Variants in KALRN observed in about 807,000 individuals in gnomAD.
KALRN encodes the protein kalirin RhoGEF kinase.
A neutral mutation model predicts 353.7 loss-of-function variants in KALRN; 70 were observed. The observed-to-expected ratio is 0.20, with a 90% CI of 0.16 to 0.24. The LOEUF is 0.24. Among genes scored for constraint, KALRN ranks in the 10% least tolerant of loss-of-function variants. The probability of loss-of-function intolerance (pLI) is 1.00; values close to 1 mark genes in which losing one functional copy is unlikely to be tolerated. For missense variants in KALRN, 2,791 were observed against 3,756.7 expected, an observed-to-expected ratio of 0.74 and a Z score of 6.72; for synonymous variants, 1,391 against 1,434.8, an observed-to-expected ratio of 0.97 and a Z score of 0.69.
At chr3:124,643,491 G>C (rs924274859) in intron 37 of KALRN, among the ~76,000 whole-genome samples, 1 of 152,020 alleles carries the variant, frequency 6.6e-6, no homozygotes, top group Non-Finnish European at 1.5e-5. Context: ...GTTGTTGTTC[G>C]GTTTTTTTGA....
At chr3:124,377,673 T>C (rs1408308367) in intron 10 of KALRN, among the ~76,000 whole-genome samples, 1 of 152,180 alleles carries the variant, frequency 6.6e-6, no homozygotes, top group Non-Finnish European at 1.5e-5. Flanking sequence ...GATTTCTCTA[T>C]TTCTCCTTGT....
intron 5 of KALRN, among the ~76,000 whole-genome samples, chr3:124,269,780 T>G (rs2073944665): frequency 6.6e-6 from 1 of 152,216 alleles, no homozygotes; most frequent in African/African-American, 2.4e-5. Context: ...TTGATCCTTA[T>G]GGGTTGAGTG....
chr3:124,115,034 G>A (rs2063335027), intron 1 of KALRN, among the ~76,000 whole-genome samples: 1 of 152,214 alleles, frequency 6.6e-6, no homozygotes, highest in Non-Finnish European at 1.5e-5. Context: ...TGCCATGGGA[G>A]CAGAGAAAAT....
chr3:124,075,368 G>T (rs966216783), intron 1 of KALRN, among the ~76,000 whole-genome samples: 2 of 152,166 alleles, frequency 1.3e-5, no homozygotes, highest in African/African-American at 2.4e-5. Flanking sequence ...CCTCGCTCCT[G>T]TCCATCAAGG....
At chr3:124,262,650 A>G (rs150672720) in intron 3 of KALRN, among the ~76,000 whole-genome samples, 3 of 152,278 alleles carry the variant, frequency 2.0e-5, no homozygotes, top group African/African-American at 4.8e-5. Context: ...GGCCTAAGTA[A>G]GCTGCCTTGT....
intron 1 of KALRN, among the ~76,000 whole-genome samples, chr3:124,071,219 C>A (rs2060003981): frequency 6.6e-6 from 1 of 152,134 alleles, no homozygotes; most frequent in South Asian, 2.1e-4. Flanking sequence ...TGGGTGACTT[C>A]TGTAATGGTG....
At chr3:124,104,418 T>C (rs1345031069) in intron 1 of KALRN, among the ~76,000 whole-genome samples, 2 of 152,204 alleles carry the variant, frequency 1.3e-5, no homozygotes, top group Non-Finnish European at 2.9e-5. Flanking sequence ...GGTTAAGCTT[T>C]AGTAGCCCTG....
intron 11 of KALRN, among the ~76,000 whole-genome samples, chr3:124,386,841 C>T (rs1263937719): frequency 2.0e-5 from 3 of 152,178 alleles, no homozygotes; most frequent in Non-Finnish European, 4.4e-5. Context: ...ACACCTATTA[C>T]TTGCCAGACA....
chr3:124,459,459 TG>T (rs1325467117), intron 23 of KALRN, among the ~76,000 whole-genome samples: 1 of 152,242 alleles, frequency 6.6e-6, no homozygotes, highest in African/African-American at 2.4e-5. Flanking sequence ...ATTAGATTCC[TG>T]CTTTGCTCTC....
intron 34 of KALRN, among the ~76,000 whole-genome samples, chr3:124,623,732 G>C (rs1434902409): frequency 1.3e-5 from 2 of 152,076 alleles, no homozygotes; most frequent in South Asian, 2.1e-4. Flanking sequence ...CACCCTCACA[G>C]ACACACCCAG....
At chr3:124,543,817 G>A (rs2069327809) in intron 33 of KALRN, among the ~76,000 whole-genome samples, 1 of 152,106 alleles carries the variant, frequency 6.6e-6, no homozygotes, top group Admixed American at 6.5e-5. Flanking sequence ...GGGTAAAACA[G>A]GGAGAGAACA....
At chr3:124,073,999 G>T (rs1287622895) in intron 1 of KALRN, among the ~76,000 whole-genome samples, 1 of 152,122 alleles carries the variant, frequency 6.6e-6, no homozygotes, top group Non-Finnish European at 1.5e-5. Context: ...TTGAAGGAAT[G>T]AATGGACTTG....
intron 1 of KALRN, among the ~76,000 whole-genome samples, chr3:124,128,487 G>C (rs1255402049): frequency 6.6e-6 from 1 of 152,190 alleles, no homozygotes. Flanking sequence ...TTAGCTCAAT[G>C]CCATTTCACT....
chr3:124,090,561 T>G (rs1011131262), intron 1 of KALRN, among the ~76,000 whole-genome samples: 4 of 152,198 alleles, frequency 2.6e-5, no homozygotes, highest in African/African-American at 9.7e-5. Context: ...GGCCCTCTAC[T>G]GGGCCTTGAG....
chr3:124,456,656 A>G lies in KALRN; in HGVS notation c.3782A>G (p.Asp1261Gly). 3 of 1,613,512 alleles carry G rather than the reference A, an allele frequency of 1.9e-6. No individual in the cohort carries two copies. The highest frequency in any genetic ancestry group is 2.5e-6 in the Non-Finnish European group (3 of 1,179,608). Residue 1261 changes from aspartate (D) to glycine (G), a missense_variant, in exon 23 of 60, where the codon GAT becomes GGT. Coordinates refer to ENST00000682506, the MANE Select transcript of KALRN (RefSeq NM_001388419.1). ...ELDIIPASLS[D>G]REVKLRDANH... ...GATATTATCCCAGCAAGCCTTTCGG[A>G]TCGGGAGGTCAAGCTGCGGGACGCC...
intron 10 of KALRN, among the ~76,000 whole-genome samples, chr3:124,361,809 G>C (rs2084067388): frequency 1.3e-5 from 2 of 148,444 alleles, no homozygotes; most frequent in Admixed American, 1.3e-4. Context: ...TGGCAGCAGT[G>C]GGGGTGGGGA....
chr3:124,660,852 T>A (rs1291383179), intron 43 of KALRN, 71 bp from the exon 44 acceptor site: 5 of 1,061,172 alleles, frequency 4.7e-6, no homozygotes, highest in Non-Finnish European at 7.4e-6. Flanking sequence ...ATTTTTATGA[T>A]AAGTTTTTTC....
chr3:124,668,335 C>T (rs1487020150), intron 47 of KALRN, among the ~76,000 whole-genome samples: 5 of 152,250 alleles, frequency 3.3e-5, no homozygotes, highest in African/African-American at 9.6e-5. Flanking sequence ...AGGTGCCATA[C>T]GAGTTGAGGA....
intron 38 of KALRN, among the ~76,000 whole-genome samples, chr3:124,653,614 T>G (rs961799997): frequency 6.6e-6 from 1 of 152,210 alleles, no homozygotes; most frequent in Admixed American, 6.5e-5. Flanking sequence ...GGGAGGTAAA[T>G]TAGCCATGGA....
Sources: gnomAD v4.1 joint callset for allele counts (sites outside exome capture counted in the v4.1 genomes callset) on GRCh38, gnomAD v4.1.1 for gene constraint, MANE v1.5 for transcripts, NCBI Gene and HGNC (gene_info 2026-07-23, HGNC 2026-07-21) for gene names.